LRBA: variants seen among roughly 807,000 people sequenced by gnomAD.
LRBA encodes lipopolysaccharide-responsive and beige-like anchor protein.
A neutral mutation model predicts 330.0 loss-of-function variants in LRBA; 176 were observed. The ratio of observed to expected loss-of-function variants is 0.53; its 90% confidence interval spans 0.47 to 0.60. The LOEUF (loss-of-function observed/expected upper bound fraction) is 0.60. LRBA is among the 20% of genes least tolerant of loss of function. The pLI, the probability that LRBA is intolerant of heterozygous loss-of-function variation, is 0.00. For missense variants in LRBA, 3,259 were observed against 3,444.8 expected (o/e 0.95, Z 1.35); for synonymous variants, 1,230 against 1,193.0 (o/e 1.03, Z -0.64).
intron 40 of LRBA, among the ~76,000 whole-genome samples, chr4:150,507,251 A>G (rs1226826175): frequency 1.3e-5 from 2 of 152,132 alleles, no homozygotes; most frequent in Non-Finnish European, 2.9e-5. Flanking sequence ...TGGAATCAAA[A>G]AAGAGCCCGC....
chr4:150,555,810 T>A lies in LRBA; in HGVS notation c.6330+32238A>T, dbSNP rs141577415. 6.2e-4 allele frequency among the ~76,000 whole-genome samples: 90 copies of A among 144,424 alleles called. 3 individuals carry two copies. The East Asian group carries it at 0.017, about 28-fold the overall frequency. 94.7% of individuals were successfully genotyped at this position (144,424 alleles called of 152,430 possible). On this transcript the variant is annotated intron_variant, in intron 40 of 56. Coordinates refer to ENST00000651943, the MANE Select transcript of LRBA (RefSeq NM_001364905.1). Reference sequence around the variant, plus strand: ...ACAAACAAATAGAATCTAAAAATATTCTCTTTTTTTGAGACAGGGTCTTCC... The same window carrying A: ...ACAAACAAATAGAATCTAAAAATATACTCTTTTTTTGAGACAGGGTCTTCC...
chr4:150,309,672 T>A (rs1279499674), intron 52 of LRBA, among the ~76,000 whole-genome samples: 1 of 152,096 alleles, frequency 6.6e-6, no homozygotes, highest in Non-Finnish European at 1.5e-5. Context: ...TGCATGTAAA[T>A]GAATATATAG....
chr4:150,849,613 AGAAAG>A, intron 24 of LRBA, 38 bp from the exon 25 acceptor site: 1 of 1,564,258 alleles, frequency 6.4e-7, no homozygotes, highest in Non-Finnish European at 8.8e-7. Context: ...ATAAAGCTAA[AGAAAG>A]GAAATCACAG....
At chr4:150,487,560 A>C (rs1758028239) in intron 42 of LRBA, among the ~76,000 whole-genome samples, 172 bp downstream of exon 42, 1 of 151,376 alleles carries the variant, frequency 6.6e-6, no homozygotes, top group Non-Finnish European at 1.5e-5. Context: ...TTTAGTCAAA[A>C]GAAAATACTA....
intron 40 of LRBA, among the ~76,000 whole-genome samples, chr4:150,493,398 A>G (rs1443903972): frequency 6.6e-6 from 1 of 152,350 alleles, no homozygotes; most frequent in South Asian, 2.1e-4. Context: ...TCCAATGCCT[A>G]GAAAAATACC....
At chr4:150,455,068 G>A (rs1753883525) in intron 44 of LRBA, among the ~76,000 whole-genome samples, 1 of 151,008 alleles carries the variant, frequency 6.6e-6, no homozygotes, top group Non-Finnish European at 1.5e-5. Flanking sequence ...CTGGTGCGCT[G>A]CACCCACTAA....
At chr4:150,837,380 A>T (rs915077345) in intron 28 of LRBA, among the ~76,000 whole-genome samples, 5 of 152,064 alleles carry the variant, frequency 3.3e-5, no homozygotes, top group African/African-American at 4.8e-5. Flanking sequence ...GATCTGTCTA[A>T]TGTTGACGGT....
chr4:150,318,216 G>T (rs567161292), intron 50 of LRBA, among the ~76,000 whole-genome samples: 4 of 152,224 alleles, frequency 2.6e-5, no homozygotes, highest in Admixed American at 6.5e-5. Flanking sequence ...CCACCAGTTA[G>T]AATTTTTTTT....
intron 40 of LRBA, among the ~76,000 whole-genome samples, chr4:150,586,732 A>C (rs1772161097): frequency 6.6e-6 from 1 of 152,162 alleles, no homozygotes; most frequent in African/African-American, 2.4e-5. Flanking sequence ...AATCTCACAC[A>C]TTGGCAGAGA....
chr4:150,319,025 A>G (rs1037293974), intron 50 of LRBA, among the ~76,000 whole-genome samples: 10 of 152,290 alleles, frequency 6.6e-5, no homozygotes, highest in Admixed American at 2.0e-4. Flanking sequence ...ACTAGGTATT[A>G]AGGGAAGCAA....
intron 34 of LRBA, among the ~76,000 whole-genome samples, chr4:150,793,295 C>T (rs575573514): frequency 6.6e-6 from 1 of 151,860 alleles, no homozygotes; most frequent in East Asian, 1.9e-4. Flanking sequence ...AGAGCAAGAC[C>T]CCGTCTTAAA....
At chr4:150,719,296 C>T (rs988426206) in intron 36 of LRBA, among the ~76,000 whole-genome samples, 2 of 151,928 alleles carry the variant, frequency 1.3e-5, no homozygotes, top group Non-Finnish European at 2.9e-5. Context: ...AAAGAACACA[C>T]ACTACCCACC....
At chr4:150,657,431 A>C (rs939719321) in intron 37 of LRBA, among the ~76,000 whole-genome samples, 1 of 152,098 alleles carries the variant, frequency 6.6e-6, no homozygotes, top group African/African-American at 2.4e-5. Context: ...TTCACAGGTA[A>C]AGAACAATAT....
intron 36 of LRBA, among the ~76,000 whole-genome samples, chr4:150,729,047 T>C (rs745959422): frequency 2.6e-4 from 40 of 152,178 alleles, no homozygotes; most frequent in Non-Finnish European, 4.6e-4. Context: ...TGGCCAGACA[T>C]GATGGCTCAT....
At chr4:150,344,809 C>G (rs1482147817) in intron 48 of LRBA, among the ~76,000 whole-genome samples, 1 of 152,188 alleles carries the variant, frequency 6.6e-6, no homozygotes, top group Non-Finnish European at 1.5e-5. Context: ...CCTTGGCCTC[C>G]AAAAGTGCTG....
At chr4:150,564,317 G>C (rs1581689959) in intron 40 of LRBA, among the ~76,000 whole-genome samples, 2 of 152,254 alleles carry the variant, frequency 1.3e-5, no homozygotes, top group South Asian at 4.2e-4. Flanking sequence ...ATGGTGCTGG[G>C]AAAACTGGCT....
chr4:150,463,917 G>T (rs1487788855), intron 44 of LRBA, among the ~76,000 whole-genome samples: 3 of 151,562 alleles, frequency 2.0e-5, no homozygotes, highest in African/African-American at 7.3e-5. Context: ...AATGGAGGCA[G>T]TTGGTAAAAA....
At chr4:150,560,991 A>G (rs1768255062) in intron 40 of LRBA, among the ~76,000 whole-genome samples, 1 of 152,150 alleles carries the variant, frequency 6.6e-6, no homozygotes, top group African/African-American at 2.4e-5. Context: ...ATCTCAAAAA[A>G]AAGAAAAAGG....
intron 22 of LRBA, among the ~76,000 whole-genome samples, chr4:150,861,169 T>TTAG (rs1274684210): frequency 6.6e-6 from 1 of 152,070 alleles, no homozygotes; most frequent in Non-Finnish European, 1.5e-5. Flanking sequence ...ACAATCATAG[T>TTAG]TCACTGTTAC....
Sources: gnomAD v4.1 joint callset for allele counts (sites outside exome capture counted in the v4.1 genomes callset) on GRCh38, gnomAD v4.1.1 for gene constraint, MANE v1.5 for transcripts, NCBI Gene and HGNC (gene_info 2026-07-23, HGNC 2026-07-21) for gene names.